Variants in SVIL observed in about 807,000 individuals in gnomAD.
SVIL encodes archvillin.
A neutral mutation model predicts 240.4 loss-of-function variants in SVIL; 101 were observed. The observed-to-expected ratio is 0.42, with a 90% CI of 0.36 to 0.50. The LOEUF (loss-of-function observed/expected upper bound fraction) is 0.50. Ranked by LOEUF, SVIL falls within the 20% of genes least tolerant of loss-of-function variation. The pLI, the probability that SVIL is intolerant of heterozygous loss-of-function variation, is 0.01. For synonymous variants in SVIL, 999 were observed against 1,100.0 expected (o/e 0.91, Z 1.82); for missense variants, 2,512 against 2,818.7 (o/e 0.89, Z 2.46).
intron 1 of SVIL, among the ~76,000 whole-genome samples, chr10:29,728,352 T>C (rs1355359553): frequency 2.6e-5 from 4 of 152,234 alleles, no homozygotes; most frequent in Non-Finnish European, 4.4e-5. Context: ...CAAACAATTT[T>C]CCCCAAAGTT....
intron 3 of SVIL, among the ~76,000 whole-genome samples, chr10:29,650,863 C>T (rs537075649): frequency 2.0e-5 from 3 of 152,322 alleles, no homozygotes; most frequent in Non-Finnish European, 2.9e-5. Flanking sequence ...GCATGATGAT[C>T]ACTTGAGGCC....
At chr10:29,473,276 C>T (rs144283063) in intron 30 of SVIL, among the ~76,000 whole-genome samples, 3 of 152,296 alleles carry the variant, frequency 2.0e-5, no homozygotes, top group Non-Finnish European at 4.4e-5. Flanking sequence ...CAGGCTGCCA[C>T]GAATACAGGT....
At chr10:29,612,139 G>C (rs1046548548) in intron 1 of SVIL, among the ~76,000 whole-genome samples, 1 of 152,052 alleles carries the variant, frequency 6.6e-6, no homozygotes, top group Non-Finnish European at 1.5e-5. Flanking sequence ...CAAGTCATAA[G>C]AGAATGTGCT....
chr10:29,725,924 T>TA (rs1456798158), intron 1 of SVIL, among the ~76,000 whole-genome samples: 1 of 152,060 alleles, frequency 6.6e-6, no homozygotes, highest in Non-Finnish European at 1.5e-5. Flanking sequence ...TTTTAAAAAA[T>TA]AAAAAAATTA....
At chr10:29,618,395 C>T (rs553721786) in intron 1 of SVIL, among the ~76,000 whole-genome samples, 4 of 152,280 alleles carry the variant, frequency 2.6e-5, no homozygotes, top group East Asian at 3.9e-4. Flanking sequence ...AATATGACAC[C>T]CTGCTGAAGA....
chr10:29,492,578 T>C (rs537543252), intron 21 of SVIL, among the ~76,000 whole-genome samples: 1 of 152,300 alleles, frequency 6.6e-6, no homozygotes, highest in African/African-American at 2.4e-5. Context: ...CCTCCGCACT[T>C]TTCTTTTTGC....
chr10:29,690,208 T>C (rs183901511), intron 1 of SVIL, among the ~76,000 whole-genome samples: 13 of 152,342 alleles, frequency 8.5e-5, no homozygotes, highest in African/African-American at 2.9e-4. Context: ...AATCAACACT[T>C]GACTTTCACA....
chr10:29,677,497 C>A (rs939613385), intron 2 of SVIL, among the ~76,000 whole-genome samples: 8 of 152,186 alleles, frequency 5.3e-5, no homozygotes, highest in Non-Finnish European at 1.0e-4. Flanking sequence ...CAGCTTCAAA[C>A]TCCTGGACTC....
rs534570514 is a variant in SVIL at position 29,519,084 on chromosome 10, G to A, written c.3389+3326C>T. 1.6e-3 allele frequency among the ~76,000 whole-genome samples: 249 copies of A among 151,046 alleles called. 1 individual carries two copies. The highest frequency in any genetic ancestry group is 5.7e-3 in the African/African-American group (233 of 40,894). On this transcript the variant is annotated intron_variant, in intron 16 of 37. Coordinates refer to ENST00000355867, the MANE Select transcript of SVIL (RefSeq NM_021738.3). ...TCTGCAAATTCCAGACTCTATTTCT[G>A]AGACTCTGAAATGTGAACTTGGATG...
At chr10:29,497,555 G>C (rs1948540788) in intron 18 of SVIL, among the ~76,000 whole-genome samples, 1 of 152,154 alleles carries the variant, frequency 6.6e-6, no homozygotes, top group Non-Finnish European at 1.5e-5. Context: ...TCAGTTCCAA[G>C]AGCTCAGCAG....
intron 2 of SVIL, among the ~76,000 whole-genome samples, chr10:29,679,370 G>A (rs925789463): frequency 4.6e-5 from 7 of 152,164 alleles, no homozygotes; most frequent in Non-Finnish European, 1.0e-4. Context: ...TGAAGCCAGT[G>A]AAGCCACAAT....
At chr10:29,721,959 G>A (rs1034535671) in intron 1 of SVIL, among the ~76,000 whole-genome samples, 5 of 152,172 alleles carry the variant, frequency 3.3e-5, no homozygotes, top group East Asian at 1.9e-4. Flanking sequence ...AAATCAGGCC[G>A]GGTGCTGGTG....
chr10:29,664,254 G>A (rs1190804512), intron 2 of SVIL, among the ~76,000 whole-genome samples: 1 of 152,140 alleles, frequency 6.6e-6, no homozygotes, highest in Non-Finnish European at 1.5e-5. Context: ...TTTTCAAAAT[G>A]TATATTCATA....
At chr10:29,596,082 C>T (rs529065158) in intron 1 of SVIL, among the ~76,000 whole-genome samples, 1 of 152,198 alleles carries the variant, frequency 6.6e-6, no homozygotes, top group Non-Finnish European at 1.5e-5. Flanking sequence ...ACAGAAGCAC[C>T]ACACACCCCT....
chr10:29,668,306 A>C (rs1959489596), intron 2 of SVIL, among the ~76,000 whole-genome samples: 2 of 152,160 alleles, frequency 1.3e-5, no homozygotes, highest in African/African-American at 4.8e-5. Flanking sequence ...CCTGCTCATC[A>C]CCAAGGAAAG....
At chr10:29,597,832 A>G (rs558407027) in intron 1 of SVIL, among the ~76,000 whole-genome samples, 41 of 152,060 alleles carry the variant, frequency 2.7e-4, no homozygotes, top group African/African-American at 9.6e-4. Context: ...TTACAGATTC[A>G]CAGCCGGTAA....
At chr10:29,552,389 C>A (rs1280284596) in intron 5 of SVIL, among the ~76,000 whole-genome samples, 2 of 151,750 alleles carry the variant, frequency 1.3e-5, no homozygotes, top group East Asian at 1.9e-4. Context: ...ACGGTGTAAC[C>A]CCGTCTCTAC....
intron 1 of SVIL, among the ~76,000 whole-genome samples, chr10:29,584,757 A>G (rs923599651): frequency 1.3e-4 from 20 of 152,210 alleles, no homozygotes; most frequent in Middle Eastern, 3.4e-3. Context: ...GGGCATTCTG[A>G]GGTGGGAAGG....
chr10:29,528,756 C>T (rs1379332706), intron 12 of SVIL, among the ~76,000 whole-genome samples: 2 of 151,938 alleles, frequency 1.3e-5, no homozygotes, highest in Non-Finnish European at 1.5e-5. Flanking sequence ...AACAATGCCC[C>T]CCGCAAAAAT....
Sources: allele counts gnomAD v4.1 joint callset (sites outside exome capture counted in the v4.1 genomes callset), GRCh38; gene constraint gnomAD v4.1.1; transcripts MANE v1.5; gene names NCBI Gene and HGNC (gene_info 2026-07-23, HGNC 2026-07-21).